Variants in DCLK1 observed in about 807,000 individuals in gnomAD.
DCLK1 encodes serine/threonine-protein kinase DCLK1.
Under a neutral mutation model 86.2 loss-of-function variants are expected in DCLK1, and 16 were observed. That is an observed-to-expected ratio of 0.19 (90% CI 0.13 to 0.28). The LOEUF (loss-of-function observed/expected upper bound fraction) is 0.28, where lower values mean the gene tolerates loss of function less well. DCLK1 is among the 10% of genes least tolerant of loss of function. The probability of loss-of-function intolerance (pLI) is 1.00; values close to 1 mark genes in which losing one functional copy is unlikely to be tolerated. For synonymous variants in DCLK1, 369 were observed against 370.5 expected (o/e 1.00, Z 0.05); for missense variants, 590 against 940.2 (o/e 0.63, Z 4.87).
chr13:35,863,335 G>C (rs1279401260), intron 5 of DCLK1, among the ~76,000 whole-genome samples: 1 of 152,176 alleles, frequency 6.6e-6, no homozygotes, highest in Non-Finnish European at 1.5e-5. Flanking sequence ...GGGACCTAAT[G>C]CATGTCTGGA....
At chr13:35,980,021 A>G (rs974334386) in intron 3 of DCLK1, among the ~76,000 whole-genome samples, 4 of 152,248 alleles carry the variant, frequency 2.6e-5, no homozygotes, top group Admixed American at 2.6e-4. Flanking sequence ...TACACATAAC[A>G]TAAAGATCTC....
chr13:35,941,039 T>G (rs1474273931), intron 4 of DCLK1, among the ~76,000 whole-genome samples: 1 of 152,142 alleles, frequency 6.6e-6, no homozygotes, highest in Non-Finnish European at 1.5e-5. Flanking sequence ...AAAAAATGTG[T>G]TTCAGGGAAT....
At chr13:35,958,213 T>TCAC (rs1414224953) in intron 3 of DCLK1, among the ~76,000 whole-genome samples, 1 of 19,428 alleles carries the variant, frequency 5.1e-5, no homozygotes, top group East Asian at 1.1e-3. Context: ...ATTATAACCA[T>TCAC]CACCACCACC....
At chr13:36,076,026 A>T (rs966723259) in intron 3 of DCLK1, among the ~76,000 whole-genome samples, 1 of 152,142 alleles carries the variant, frequency 6.6e-6, no homozygotes, top group African/African-American at 2.4e-5. Context: ...CTCCGTCTCA[A>T]AAAAAATGCT....
At chr13:35,848,433 AT>A in intron 6 of DCLK1, 1 of 985,300 alleles carries the variant, frequency 1.0e-6, no homozygotes. Flanking sequence ...CAAAAAGTAA[AT>A]GATATATATA....
At chr13:35,913,129 C>T (rs182517438) in intron 4 of DCLK1, among the ~76,000 whole-genome samples, 1 of 152,274 alleles carries the variant, frequency 6.6e-6, no homozygotes, top group East Asian at 1.9e-4. Flanking sequence ...GTGTCTTGTA[C>T]CATGCAGCTT....
chr13:36,095,750 T>G (rs536218066), intron 3 of DCLK1, among the ~76,000 whole-genome samples: 38 of 147,078 alleles, frequency 2.6e-4, no homozygotes, highest in Admixed American at 1.8e-3. Flanking sequence ...CTTGAGGATA[T>G]GGCCATAGCA....
At chr13:36,073,837 T>C (rs1884067237) in intron 3 of DCLK1, among the ~76,000 whole-genome samples, 1 of 152,198 alleles carries the variant, frequency 6.6e-6, no homozygotes, top group South Asian at 2.1e-4. Flanking sequence ...AACAGACATG[T>C]GGACCATGAC....
chr13:35,906,641 C>T (rs944691699), intron 4 of DCLK1, among the ~76,000 whole-genome samples: 5 of 152,136 alleles, frequency 3.3e-5, no homozygotes, highest in Non-Finnish European at 7.3e-5. Flanking sequence ...GAAGAAGTTA[C>T]AGATAAAGTC....
intron 3 of DCLK1, among the ~76,000 whole-genome samples, chr13:36,071,732 C>T (rs1461861484): frequency 1.3e-5 from 2 of 152,118 alleles, no homozygotes; most frequent in Non-Finnish European, 2.9e-5. Context: ...TTTCCCAGTT[C>T]ACACAGCTAA....
intron 4 of DCLK1, among the ~76,000 whole-genome samples, chr13:35,912,006 A>C (rs1057458229): frequency 6.6e-6 from 1 of 152,204 alleles, no homozygotes; most frequent in Non-Finnish European, 1.5e-5. Flanking sequence ...TGAGCAAATA[A>C]GGACCACTGT....
chr13:36,118,309 G>A (rs1437268688), intron 2 of DCLK1, among the ~76,000 whole-genome samples: 4 of 152,210 alleles, frequency 2.6e-5, no homozygotes, highest in African/African-American at 7.2e-5. Context: ...TGAATGTTAC[G>A]TATCCACACT....
chr13:35,789,150 T>C (rs1375991794), intron 16 of DCLK1, among the ~76,000 whole-genome samples: 1 of 152,158 alleles, frequency 6.6e-6, no homozygotes, highest in African/African-American at 2.4e-5. Context: ...GTGTACCCGC[T>C]TCCCCATTCT....
intron 5 of DCLK1, among the ~76,000 whole-genome samples, chr13:35,870,484 T>C (rs1490344315): frequency 6.6e-6 from 1 of 152,236 alleles, no homozygotes; most frequent in Admixed American, 6.5e-5. Context: ...TAAGAGCTTC[T>C]TGTCTTCATG....
intron 4 of DCLK1, among the ~76,000 whole-genome samples, chr13:35,896,200 G>C (rs1194308886): frequency 6.6e-6 from 1 of 152,110 alleles, no homozygotes; most frequent in African/African-American, 2.4e-5. Flanking sequence ...TGCTTAGACT[G>C]TATATAGAAC....
intron 3 of DCLK1, among the ~76,000 whole-genome samples, chr13:35,961,714 T>C (rs1355515419): frequency 6.6e-6 from 1 of 152,118 alleles, no homozygotes; most frequent in African/African-American, 2.4e-5. Flanking sequence ...GGAAATGAGA[T>C]CTAAGCATGA....
chr13:36,001,597 G>A (rs1260465104), intron 3 of DCLK1, among the ~76,000 whole-genome samples: 1 of 152,100 alleles, frequency 6.6e-6, no homozygotes, highest in Admixed American at 6.5e-5. Flanking sequence ...ACATCTCATT[G>A]ACTTTGTGTT....
intron 4 of DCLK1, among the ~76,000 whole-genome samples, chr13:35,924,547 G>C (rs972043163): frequency 1.3e-5 from 2 of 152,200 alleles, no homozygotes; most frequent in African/African-American, 2.4e-5. Context: ...AGCTACTCAG[G>C]AGGCTGAGGC....
intron 6 of DCLK1, among the ~76,000 whole-genome samples, chr13:35,839,889 A>G (rs1222172905): frequency 6.6e-6 from 1 of 152,260 alleles, no homozygotes; most frequent in African/African-American, 2.4e-5. Context: ...ATTTAATATT[A>G]TGATTGGCTA....
Sources: allele counts gnomAD v4.1 joint callset (sites outside exome capture counted in the v4.1 genomes callset), GRCh38; gene constraint gnomAD v4.1.1; transcripts MANE v1.5; gene names NCBI Gene and HGNC (gene_info 2026-07-23, HGNC 2026-07-21).